CCDC85A: variants seen among roughly 807,000 people sequenced by gnomAD.
The protein encoded by CCDC85A is coiled-coil domain containing 85A.
A neutral mutation model predicts 50.2 loss-of-function variants in CCDC85A; 38 were observed. That is an observed-to-expected ratio of 0.76 (90% confidence interval 0.58 to 0.99). The LOEUF (loss-of-function observed/expected upper bound fraction) is 0.99, where lower values mean the gene tolerates loss of function less well. Among genes scored for constraint, CCDC85A ranks in the 50% least tolerant of loss-of-function variants. The pLI is 0.00. For synonymous variants in CCDC85A, 366 were observed against 301.4 expected (o/e 1.21, Z -2.22); for missense variants, 820 against 742.0 (o/e 1.11, Z -1.22).
chr2:56,324,851 G>A lies in CCDC85A; in HGVS notation c.1241-18028G>A, dbSNP rs143772065. ...GGGTTAAAATATTGGTGTCAGACTT[G>A]GGCTTACAAACATGAATAAATCACA... On this transcript the variant is annotated intron_variant, in intron 2 of 5. Coordinates refer to ENST00000407595, the MANE Select transcript of CCDC85A (RefSeq NM_001080433.2). Among the ~76,000 whole-genome samples the A allele has an allele frequency of 3.3e-3, 507 of 152,080 alleles. 3 individuals carry two copies. Among genetic ancestry groups the A allele is most frequent in the African/African-American group, 0.011 (439 of 41,536 alleles).
chr2:56,210,673 G>A (rs1677145186), intron 2 of CCDC85A, among the ~76,000 whole-genome samples: 2 of 151,860 alleles, frequency 1.3e-5, no homozygotes, highest in African/African-American at 2.4e-5. Context: ...CCCGAATTTC[G>A]GTGCAGATTC....
intron 3 of CCDC85A, among the ~76,000 whole-genome samples, chr2:56,350,982 C>T (rs1179494194): frequency 7.4e-6 from 1 of 135,936 alleles, no homozygotes; most frequent in Non-Finnish European, 1.6e-5. Flanking sequence ...AGGTATATCT[C>T]CTAAAGCTAT....
intron 3 of CCDC85A, among the ~76,000 whole-genome samples, chr2:56,364,104 A>G (rs1228730558): frequency 6.6e-6 from 1 of 152,192 alleles, no homozygotes; most frequent in Non-Finnish European, 1.5e-5. Context: ...GCCTAGAAGT[A>G]GTTGCCTATG....
At chr2:56,225,627 A>G (rs1668511029) in intron 2 of CCDC85A, among the ~76,000 whole-genome samples, 1 of 152,086 alleles carries the variant, frequency 6.6e-6, no homozygotes, top group Non-Finnish European at 1.5e-5. Context: ...GGTTCTTTTG[A>G]ATTTCCATAT....
chr2:56,374,989 A>T (rs1429124140), intron 4 of CCDC85A, among the ~76,000 whole-genome samples: 1 of 152,220 alleles, frequency 6.6e-6, no homozygotes, highest in African/African-American at 2.4e-5. Context: ...GTTCTCTAAT[A>T]GTGTAATGAT....
intron 2 of CCDC85A, among the ~76,000 whole-genome samples, chr2:56,313,892 A>C (rs1201026448): frequency 6.6e-6 from 1 of 151,952 alleles, no homozygotes; most frequent in East Asian, 1.9e-4. Context: ...TCAGATAGTC[A>C]GGGCTGGGCC....
At chr2:56,310,439 T>C (rs1672638234) in intron 2 of CCDC85A, among the ~76,000 whole-genome samples, 1 of 152,138 alleles carries the variant, frequency 6.6e-6, no homozygotes, top group Non-Finnish European at 1.5e-5. Flanking sequence ...TTATCTTGGA[T>C]GTGAAAGACA....
In CCDC85A at chr2:56,266,576, G is replaced by GCC. The variant is rs1445113304; in HGVS notation, c.1240+73137_1240+73138insCC. Among the ~76,000 whole-genome samples the GCC allele has an allele frequency of 8.3e-4, 51 of 61,606 alleles. 1 individual carries two copies. Among genetic ancestry groups the GCC allele is most frequent in the East Asian group, 2.7e-3 (3 of 1,112 alleles). 40.4% of individuals were successfully genotyped at this position (61,606 alleles called of 152,430 possible). A position where few individuals can be genotyped will look rare whatever the true frequency, so the allele number is the denominator to read the frequency against. The stretch of plus-strand genomic sequence containing the variant: ...TATATAATTGTCAATTAACAATAAC[G>GCC]CGCCCCCCCCCCCCATAATCTTCTT... On this transcript the variant is annotated intron_variant, in intron 2 of 5. Transcript: ENST00000407595.
chr2:56,237,394 T>G (rs1669065911), intron 2 of CCDC85A, among the ~76,000 whole-genome samples: 1 of 152,244 alleles, frequency 6.6e-6, no homozygotes, highest in East Asian at 1.9e-4. Flanking sequence ...GTATCTGTCT[T>G]GATGTTGCTT....
At chr2:56,377,882 C>T (rs1481099124) in intron 5 of CCDC85A, among the ~76,000 whole-genome samples, 4 of 144,502 alleles carry the variant, frequency 2.8e-5, no homozygotes, top group Non-Finnish European at 4.5e-5. Flanking sequence ...TGTGAAACTC[C>T]GTCTCAAAAA....
chr2:56,273,153 T>A (rs1364198128), intron 2 of CCDC85A, among the ~76,000 whole-genome samples: 1 of 151,966 alleles, frequency 6.6e-6, no homozygotes, highest in Non-Finnish European at 1.5e-5. Context: ...CTTAGTAAAC[T>A]AAAAGCAAAG....
At position 56,375,948 on chromosome 2, in the gene CCDC85A, G is replaced by T. The variant is rs748895185; in HGVS notation, c.1572+13G>T. The T allele has an allele frequency of 6.2e-7, 1 of 1,610,044 alleles. No homozygotes were observed. Among genetic ancestry groups the T allele is most frequent in the South Asian group, 1.1e-5 (1 of 90,664 alleles). ...ACATTCTCTTAAGGTAACCAATCGT[G>T]TGCAACCATTTATCCAGAGCTTCAG... On this transcript the variant is annotated intron_variant, in intron 5 of 5. Coordinates refer to ENST00000407595, the MANE Select transcript of CCDC85A (RefSeq NM_001080433.2).
chr2:56,275,231 G>C (rs781527561), intron 2 of CCDC85A, among the ~76,000 whole-genome samples: 1 of 151,872 alleles, frequency 6.6e-6, no homozygotes, highest in East Asian at 1.9e-4. Flanking sequence ...TGCTGGCCTT[G>C]AATGAATGTA....
At chr2:56,370,093 C>G (rs34403044) in intron 3 of CCDC85A, among the ~76,000 whole-genome samples, 12,337 of 152,098 alleles carry the variant, frequency 0.081, 652 homozygotes, top group Non-Finnish European at 0.12. Flanking sequence ...GAAAACAAAA[C>G]TAAGTGAAAC....
intron 2 of CCDC85A, among the ~76,000 whole-genome samples, chr2:56,247,380 A>G (rs960193830): frequency 1.8e-4 from 28 of 152,308 alleles, no homozygotes; most frequent in Non-Finnish European, 1.5e-4. Flanking sequence ...GAAAGAAGAA[A>G]CACACTTGAA....
intron 2 of CCDC85A, among the ~76,000 whole-genome samples, chr2:56,243,938 C>G (rs1669385564): frequency 6.6e-6 from 1 of 152,228 alleles, no homozygotes; most frequent in Admixed American, 6.5e-5. Context: ...GAATAATTCT[C>G]TGGATTACCA....
At chr2:56,251,773 G>C (rs1381821111) in intron 2 of CCDC85A, among the ~76,000 whole-genome samples, 1 of 151,828 alleles carries the variant, frequency 6.6e-6, no homozygotes, top group Non-Finnish European at 1.5e-5. Context: ...GTCTTTTTAG[G>C]ATAAGGACCA....
intron 2 of CCDC85A, among the ~76,000 whole-genome samples, chr2:56,226,199 C>T (rs186469932): frequency 1.3e-5 from 2 of 152,272 alleles, no homozygotes; most frequent in Non-Finnish European, 2.9e-5. Flanking sequence ...CATTTACTTG[C>T]TCTGAGAGAA....
chr2:56,192,961 C>G lies in CCDC85A; in HGVS notation c.761C>G (p.Ala254Gly). Residue 254 changes from alanine to glycine, a missense_variant, in exon 2 of 6, where the codon GCC becomes GGC. Physicochemically the swap from Ala to Gly is moderately conservative, Grantham distance 60. Coordinates refer to ENST00000407595, the MANE Select transcript of CCDC85A (RefSeq NM_001080433.2). The surrounding 1 kb of genome is among the most constrained non-coding windows in gnomAD (Gnocchi z 4.7). The stretch of plus-strand genomic sequence containing the variant: ...CCGGAGCACTCCAAGCACAGGAGCG[C>G]CAGCCCCGAGCATCCACAGAAACCC... ...GSPEHSKHRSASPEHPQKPRA... is the reference protein window; with the variant it reads ...GSPEHSKHRSGSPEHPQKPRA... The G allele has an allele frequency of 1.2e-6, 2 of 1,612,372 alleles. No individual in the cohort carries two copies. The highest frequency in any genetic ancestry group is 1.3e-5 in the African/African-American group (1 of 74,508).
Sources: allele counts gnomAD v4.1 joint callset (sites outside exome capture counted in the v4.1 genomes callset), GRCh38; gene constraint gnomAD v4.1.1; non-coding constraint Gnocchi (gnomAD v3.1); transcripts MANE v1.5; gene names NCBI Gene and HGNC (gene_info 2026-07-23, HGNC 2026-07-21).